The following TENM2 variants were observed in gnomAD, a reference collection of about 807,000 sequenced individuals.
TENM2 encodes the protein teneurin transmembrane protein 2.
In TENM2, 52 loss-of-function variants were observed where a neutral mutation model predicts 245.2. The ratio of observed to expected loss-of-function variants is 0.21; its 90% CI spans 0.17 to 0.27. The LOEUF (loss-of-function observed/expected upper bound fraction) is 0.27. Among genes scored for constraint, TENM2 ranks in the 10% least tolerant of loss-of-function variants. The probability of loss-of-function intolerance (pLI) is 1.00; values close to 1 mark genes in which losing one functional copy is unlikely to be tolerated. For synonymous variants in TENM2, 1,363 were observed against 1,438.9 expected, an observed-to-expected ratio of 0.95 and a Z score of 1.19; for missense variants, 3,046 against 3,666.8, an observed-to-expected ratio of 0.83 and a Z score of 4.37.
At chr5:168,081,494 G>T (rs908603100) in intron 7 of TENM2, among the ~76,000 whole-genome samples, 3 of 152,130 alleles carry the variant, frequency 2.0e-5, no homozygotes, top group African/African-American at 7.2e-5. Flanking sequence ...TGGTTATTTT[G>T]CTCATTAATT....
chr5:167,771,771 T>C (rs932816649), intron 2 of TENM2, among the ~76,000 whole-genome samples: 9 of 152,184 alleles, frequency 5.9e-5, no homozygotes, highest in African/African-American at 2.2e-4. Flanking sequence ...ACTGCTGGAA[T>C]TAATTATTGC....
intron 2 of TENM2, among the ~76,000 whole-genome samples, chr5:167,852,560 G>T (rs1023741606): frequency 2.0e-5 from 3 of 152,154 alleles, no homozygotes; most frequent in African/African-American, 7.2e-5. Flanking sequence ...AACAAGACAA[G>T]AATTTAGTAG....
intron 4 of TENM2, among the ~76,000 whole-genome samples, chr5:167,968,189 A>G (rs112621601): frequency 1.3e-3 from 200 of 152,288 alleles, no homozygotes; most frequent in African/African-American, 4.5e-3. Flanking sequence ...TTCCTACATT[A>G]GGTTTTTTTC....
chr5:167,125,455 A>G, the TENM2 span, among the ~76,000 whole-genome samples: 2 of 152,168 alleles, frequency 1.3e-5, no homozygotes, highest in Non-Finnish European at 2.9e-5. Context: ...TGTATCTTTG[A>G]TGTTATGTAG....
At chr5:167,658,869 G>A (rs1755022539) in intron 2 of TENM2, among the ~76,000 whole-genome samples, 2 of 152,156 alleles carry the variant, frequency 1.3e-5, no homozygotes, top group South Asian at 4.1e-4. Context: ...TGCTAGATAA[G>A]GCTGTGCAGA....
chr5:167,597,104 A>G (rs187934489), intron 2 of TENM2, among the ~76,000 whole-genome samples: 44 of 150,810 alleles, frequency 2.9e-4, no homozygotes, highest in African/African-American at 9.7e-4. Flanking sequence ...CTAGGACAAG[A>G]GTTGCTGGGG....
intron 2 of TENM2, among the ~76,000 whole-genome samples, chr5:167,417,553 A>T (rs1199012988): frequency 6.6e-6 from 1 of 152,140 alleles, no homozygotes; most frequent in Non-Finnish European, 1.5e-5. Context: ...GCACACATAG[A>T]TGGCTAACTA....
chr5:167,813,779 C>T (rs2151004073), intron 2 of TENM2, among the ~76,000 whole-genome samples: 1 of 152,228 alleles, frequency 6.6e-6, no homozygotes, highest in African/African-American at 2.4e-5. Flanking sequence ...TAAGTCCTAA[C>T]CACAAATCAG....
chr5:167,596,090 T>C (rs1776187284), intron 2 of TENM2, among the ~76,000 whole-genome samples: 1 of 152,166 alleles, frequency 6.6e-6, no homozygotes, highest in Non-Finnish European at 1.5e-5. Context: ...CATGCCCCAG[T>C]CCTCTTCATA....
chr5:167,102,207 C>T, the TENM2 span, among the ~76,000 whole-genome samples: 89 of 151,714 alleles, frequency 5.9e-4, no homozygotes, highest in African/African-American at 2.0e-3. Flanking sequence ...GCCTGGGCAA[C>T]AGAGCAAGAC....
At chr5:167,984,571 A>G (rs767697204) in intron 4 of TENM2, among the ~76,000 whole-genome samples, 4 of 152,100 alleles carry the variant, frequency 2.6e-5, no homozygotes, top group Non-Finnish European at 5.9e-5. Context: ...CAGGAGACTC[A>G]CTTGAACTGG....
At position 167,634,660 on chromosome 5, in the gene TENM2, CT is replaced by C. The variant is rs879311468; in HGVS notation, c.503-241314del. ...ATTGATGGCTCTGTAAATAAAGCTT[CT>C]TTTTTTTTTTTAACCACGTACTTAA... On this transcript the variant is annotated intron_variant, in intron 2 of 28. Transcript: ENST00000518659. Among the ~76,000 whole-genome samples the C allele has an allele frequency of 8.3e-3, 1,188 of 143,422 alleles. 13 individuals carry two copies. Among genetic ancestry groups the C allele is most frequent in the African/African-American group, 0.022 (881 of 39,426 alleles). 94.1% of individuals were successfully genotyped at this position (143,422 alleles called of 152,430 possible). A position where few individuals can be genotyped will look rare whatever the true frequency, so the allele number is the denominator to read the frequency against.
chr5:167,621,052 TACTTTG>T (rs568954754), intron 2 of TENM2, among the ~76,000 whole-genome samples: 2,181 of 152,124 alleles, frequency 0.014, 30 homozygotes, highest in Non-Finnish European at 0.023. Context: ...GGATGGAAAA[TACTTTG>T]AACATTTATT....
At chr5:167,052,550 A>G in the TENM2 span, among the ~76,000 whole-genome samples, 3 of 152,168 alleles carry the variant, frequency 2.0e-5, no homozygotes, top group African/African-American at 7.2e-5. Flanking sequence ...GCTGCTTTTA[A>G]GAGACACTTT....
At chr5:167,769,647 G>T (rs1239894126) in intron 2 of TENM2, among the ~76,000 whole-genome samples, 3 of 152,042 alleles carry the variant, frequency 2.0e-5, no homozygotes, top group Non-Finnish European at 2.9e-5. Flanking sequence ...AAGGTAAAAG[G>T]CTCCTTCAAC....
chr5:167,483,339 A>C (rs1441100899), intron 2 of TENM2, among the ~76,000 whole-genome samples: 1 of 152,152 alleles, frequency 6.6e-6, no homozygotes, highest in East Asian at 1.9e-4. Context: ...ACTCCTTTTT[A>C]CTGGAGAAAA....
At chr5:167,696,296 A>G (rs1236517851) in intron 2 of TENM2, among the ~76,000 whole-genome samples, 1 of 152,224 alleles carries the variant, frequency 6.6e-6, no homozygotes, top group African/African-American at 2.4e-5. Context: ...TAAAAATTTA[A>G]AAAGAGCCCC....
intron 2 of TENM2, among the ~76,000 whole-genome samples, chr5:167,392,249 C>T (rs12522584): frequency 0.17 from 26,023 of 152,048 alleles, 2,826 homozygotes; most frequent in Middle Eastern, 0.32. Context: ...TAATTGTAAA[C>T]TAGTTTGATG....
chr5:167,470,903 G>A (rs1400283684), intron 2 of TENM2, among the ~76,000 whole-genome samples: 1 of 152,166 alleles, frequency 6.6e-6, no homozygotes, highest in Admixed American at 6.5e-5. Context: ...TGGCAGCTTA[G>A]TATGGAAATT....
Sources: allele counts gnomAD v4.1 joint callset (sites outside exome capture counted in the v4.1 genomes callset), GRCh38; gene constraint gnomAD v4.1.1; transcripts MANE v1.5; gene names NCBI Gene and HGNC (gene_info 2026-07-23, HGNC 2026-07-21).